RDX: variants seen among roughly 807,000 people sequenced by gnomAD.
RDX encodes deafness, autosomal recessive 24.
In RDX, 32 loss-of-function variants were observed where a neutral mutation model predicts 83.7. The ratio of observed to expected loss-of-function variants is 0.38; its 90% CI spans 0.29 to 0.51. The LOEUF (loss-of-function observed/expected upper bound fraction) is 0.51. Ranked by LOEUF, RDX falls within the 20% of genes least tolerant of loss-of-function variation. The pLI is 0.87. For synonymous variants in RDX, 229 were observed against 222.7 expected, an observed-to-expected ratio of 1.03 and a Z score of -0.25; for missense variants, 600 against 689.9, an observed-to-expected ratio of 0.87 and a Z score of 1.46.
At chr11:110,255,540 G>T (rs1859508015) in intron 7 of RDX, among the ~76,000 whole-genome samples, 155 bp from the exon 8 acceptor site, 1 of 152,076 alleles carries the variant, frequency 6.6e-6, no homozygotes, top group African/African-American at 2.4e-5. Flanking sequence ...TATCTTTTAA[G>T]GGGAAAACTG....
intron 1 of RDX, among the ~76,000 whole-genome samples, chr11:110,287,483 CG>C (rs1255200870): frequency 4.6e-5 from 7 of 152,136 alleles, no homozygotes; most frequent in Non-Finnish European, 1.0e-4. Flanking sequence ...CATAGGTCCC[CG>C]GGTTTAAAAC....
chr11:110,257,408 C>T (rs541895987), intron 7 of RDX, among the ~76,000 whole-genome samples: 4 of 152,154 alleles, frequency 2.6e-5, no homozygotes, highest in Non-Finnish European at 5.9e-5. Context: ...TATGTATGTT[C>T]AATTTCAATC....
intron 15 of RDX, among the ~76,000 whole-genome samples, chr11:110,177,135 A>G (rs1207239727): frequency 1.3e-5 from 2 of 152,250 alleles, no homozygotes; most frequent in Non-Finnish European, 2.9e-5. Context: ...GCAAAGTAGT[A>G]AAAGCCAAGA....
intron 14 of RDX, among the ~76,000 whole-genome samples, chr11:110,220,026 G>A (rs1421806619): frequency 6.6e-6 from 1 of 152,138 alleles, no homozygotes; most frequent in Non-Finnish European, 1.5e-5. Flanking sequence ...TATAAATTAT[G>A]TATTTTGTGT....
intron 1 of RDX, among the ~76,000 whole-genome samples, chr11:110,287,488 T>C (rs1861032475): frequency 6.6e-6 from 1 of 152,226 alleles, no homozygotes; most frequent in Non-Finnish European, 1.5e-5. Flanking sequence ...GTCCCCGGGT[T>C]TAAAACCTTT....
intron 1 of RDX, among the ~76,000 whole-genome samples, chr11:110,294,912 T>C (rs768114068): frequency 1.3e-5 from 2 of 152,206 alleles, no homozygotes; most frequent in African/African-American, 2.4e-5. Context: ...TCAAATTCTG[T>C]CTCATTTAAA....
intron 10 of RDX, among the ~76,000 whole-genome samples, chr11:110,238,064 A>G (rs540187991): frequency 6.3e-4 from 96 of 152,368 alleles, no homozygotes; most frequent in Middle Eastern, 6.8e-3. Flanking sequence ...TTTTGACCTC[A>G]GTAAACAAAT....
intron 3 of RDX, among the ~76,000 whole-genome samples, chr11:110,268,993 A>T (rs1036571711): frequency 6.7e-5 from 10 of 149,856 alleles, no homozygotes; most frequent in African/African-American, 1.7e-4. Flanking sequence ...TTTTTTAATT[A>T]ATTTATTTAT....
Position 110,266,422 on chromosome 11 carries a change from G to GT in RDX, c.97-1549dup, listed in dbSNP as rs568379263. Among the ~76,000 whole-genome samples the GT allele has an allele frequency of 1.6e-4, 24 of 152,156 alleles. No individual in the cohort carries two copies. In the South Asian group the frequency reaches 4.4e-3, roughly 28 times the overall value. ...TTACCCACACCTAACAAAAGCATAT[G>GT]TTTTTTAAAAAAATCTGTATTTAAA... On this transcript the variant is annotated intron_variant, in intron 3 of 13. Transcript: ENST00000645495.
At position 110,263,942 on chromosome 11, in the gene RDX, A is replaced by C; in HGVS notation, c.467+18T>G. The C allele has an allele frequency of 6.2e-7, 1 of 1,610,068 alleles. No individual in the cohort carries two copies. The highest frequency in any genetic ancestry group is 8.5e-7 in the Non-Finnish European group (1 of 1,176,638). ...TACAATTTTCAGACAATATAATGCA[A>C]ACGCATGTTTCACTTACCGCTGGGG... On this transcript the variant is annotated intron_variant, in intron 5 of 13. Coordinates refer to ENST00000645495, the MANE Select transcript of RDX (RefSeq NM_002906.4).
chr11:110,279,761 TAAAA>T lies in RDX; in HGVS notation c.-64-9_-64-6del, dbSNP rs61003001. 4.3e-5 allele frequency: 33 copies of T among 765,780 alleles called. No individual in the cohort carries two copies. The highest frequency in any genetic ancestry group is 4.3e-6 in the Non-Finnish European group (2 of 464,514). 47.4% of individuals were successfully genotyped at this position (765,780 alleles called of 1,614,324 possible). On this transcript the variant is annotated splice_polypyrimidine_tract_variant and splice_region_variant and intron_variant, in intron 1 of 13. Coordinates refer to ENST00000645495, the MANE Select transcript of RDX (RefSeq NM_002906.4). ...AATGAATTCTGTTATCACTTTCTGTTAAAAAAAAAAAAGCATAATCTATTATCTT... is the reference window on the plus strand; with the variant it reads ...AATGAATTCTGTTATCACTTTCTGTTAAAAAAAAGCATAATCTATTATCTT...
intron 14 of RDX, among the ~76,000 whole-genome samples, chr11:110,216,734 T>A: frequency 6.7e-6 from 1 of 148,906 alleles, no homozygotes; most frequent in East Asian, 2.0e-4. Flanking sequence ...CCCAGGCTGG[T>A]CTTGAGCTCC....
intron 15 of RDX, among the ~76,000 whole-genome samples, chr11:110,182,421 C>G (rs925219251): frequency 6.6e-6 from 1 of 152,166 alleles, no homozygotes; most frequent in African/African-American, 2.4e-5. Context: ...GGCAACATGG[C>G]AAAACCCCGT....
intron 1 of RDX, among the ~76,000 whole-genome samples, chr11:110,294,212 T>C (rs868513440): frequency 2.6e-5 from 4 of 152,294 alleles, no homozygotes; most frequent in Admixed American, 6.5e-5. Flanking sequence ...CTGGCCAACA[T>C]GGCAAAACCC....
At chr11:110,199,767 A>T in intron 14 of RDX, 2 of 699,770 alleles carry the variant, frequency 2.9e-6, no homozygotes, top group Non-Finnish European at 5.2e-6. Flanking sequence ...CTTGCTCAGC[A>T]CATTGCAACA....
rs1274942553 is a variant in RDX, at chr11:110,230,891, G to A, written c.*978C>T. ...CCAGTCATCACAGATGTAGTAGTGA[G>A]GTAGTATTGTTGTCCCCTCCTCGGG... is the stretch of plus-strand genomic sequence containing the variant. On this transcript the variant is annotated 3_prime_UTR_variant, in exon 14 of 14. Transcript: ENST00000645495. 4 of 152,572 alleles carry A rather than the reference G, an allele frequency of 2.6e-5. No homozygotes were observed. The highest frequency in any genetic ancestry group is 4.4e-5 in the Non-Finnish European group (3 of 68,022). The allele number at this position is 152,572 out of a possible 1,614,324, so 9.5% of individuals were successfully genotyped here.
chr11:110,237,696 C>T (rs772129682), intron 10 of RDX, 44 bp from the exon 11 acceptor site: 2 of 1,596,470 alleles, frequency 1.3e-6, no homozygotes, highest in Admixed American at 1.7e-5. Flanking sequence ...TAATTCCAAT[C>T]ATTCTCATTA....
intron 4 of RDX, among the ~76,000 whole-genome samples, chr11:110,264,571 A>C (rs557190387): frequency 6.6e-6 from 1 of 152,206 alleles, no homozygotes. Context: ...TAAGTTTTCA[A>C]ATAGGAAAAG....
intron 1 of RDX, among the ~76,000 whole-genome samples, chr11:110,284,850 T>C (rs930255011): frequency 6.6e-6 from 1 of 152,194 alleles, no homozygotes; most frequent in Non-Finnish European, 1.5e-5. Context: ...AAAGGATGTC[T>C]GAATACACAG....
Sources: gnomAD v4.1 joint callset for allele counts (sites outside exome capture counted in the v4.1 genomes callset) on GRCh38, gnomAD v4.1.1 for gene constraint, MANE v1.5 for transcripts, NCBI Gene and HGNC (gene_info 2026-07-23, HGNC 2026-07-21) for gene names.